The following EBLN2 variants were observed in gnomAD, a reference collection of about 807,000 sequenced individuals.
EBLN2 encodes endogenous Bornavirus-like nucleoprotein 2.
For missense variants in EBLN2, 397 were observed against 324.2 expected, an observed-to-expected ratio of 1.22 and a Z score of -1.72; for synonymous variants, 131 against 113.6, an observed-to-expected ratio of 1.15 and a Z score of -0.97.
rs762227726 is a variant in EBLN2, at chr3:73,062,302, A to G, written c.221A>G (p.Gln74Arg). Reference sequence around the variant, plus strand: ...GACAGGAGTGGGCTCCCTGACCTTCAAGGAAGATTTGAGCTATCTGGGAAA... The same window carrying G: ...GACAGGAGTGGGCTCCCTGACCTTCGAGGAAGATTTGAGCTATCTGGGAAA... ...AMDRSGLPDL[Q>R]GRFELSGKNR... The change falls in exon 1 of 1, where the codon CAA (glutamine) becomes CGA (arginine). Residue 74 changes from glutamine (Q) to arginine (R), a missense_variant. Physicochemically the swap from Gln to Arg is conservative, Grantham distance 43 (BLOSUM62 1). Coordinates refer to ENST00000533473, the MANE Select transcript of EBLN2 (RefSeq NM_018029.4). The G allele has an allele frequency of 1.1e-5, 17 of 1,607,650 alleles. No homozygotes were observed. In the East Asian group the frequency reaches 3.4e-4, roughly 32 times the overall value.
Position 73,062,370 on chromosome 3 carries a change from A to G in EBLN2, c.289A>G (p.Ile97Val), listed in dbSNP as rs1157782841. 3 of 1,607,050 alleles carry G rather than the reference A, an allele frequency of 1.9e-6. No individual in the cohort carries two copies. The highest frequency in any genetic ancestry group is 2.5e-6 in the Non-Finnish European group (3 of 1,178,140). ...PLDALEPQPS[I>V]GDIKDIKKAA... ...GGATGCATTGGAACCCCAACCCAGC[A>G]TTGGGGATATTAAGGACATTAAAAA... The change falls in exon 1 of 1, where the codon ATT (isoleucine) becomes GTT (valine). Residue 97 changes from isoleucine to valine, a missense_variant. Coordinates refer to ENST00000533473, the MANE Select transcript of EBLN2 (RefSeq NM_018029.4).
Position 73,062,067 on chromosome 3 carries a change from T to C in EBLN2, c.-15T>C. 6.6e-7 allele frequency: 1 copy of C among 1,510,396 alleles called. No individual in the cohort carries two copies. The highest frequency in any genetic ancestry group is 2.5e-5 in the East Asian group (1 of 40,698). 93.6% of individuals were successfully genotyped at this position (1,510,396 alleles called of 1,614,324 possible). A position where few individuals can be genotyped will look rare whatever the true frequency, so the allele number is the denominator to read the frequency against. The stretch of plus-strand genomic sequence containing the variant: ...AATGGTAAAGAAGTGCAGAGTCAAG[T>C]CATAGCGACTAATAATGGGTTATTT... On this transcript the variant is annotated 5_prime_UTR_variant, in exon 1 of 1. Transcript: ENST00000533473.
rs1479045678 is a variant in EBLN2, at chr3:73,062,003, A to T, written c.-79A>T. Reference sequence around the variant, plus strand: ...AAAAATTTCTTTTATGAAGCAAAATATGTTTTGTTTTGCTCATGAACGTGA... The same window carrying T: ...AAAAATTTCTTTTATGAAGCAAAATTTGTTTTGTTTTGCTCATGAACGTGA... On this transcript the variant is annotated 5_prime_UTR_variant, in exon 1 of 1. The change abolishes an upstream ATG in the 5' untranslated region. Transcript: ENST00000533473. The T allele has an allele frequency of 3.9e-6, 4 of 1,032,630 alleles. No homozygotes were observed. The highest frequency in any genetic ancestry group is 5.5e-6 in the Non-Finnish European group (4 of 723,686). The allele number at this position is 1,032,630 out of a possible 1,614,324, so 64.0% of individuals were successfully genotyped here.
In EBLN2 at chr3:73,062,454, A is replaced by C; in HGVS notation, c.373A>C (p.Ser125Arg). Reference protein sequence around the residue: ...HKSHFHPVTPSLVFLCFIFDG... With the variant: ...HKSHFHPVTPRLVFLCFIFDG... Reference sequence around the variant, plus strand: ...ATCTCATTTCCACCCTGTGACCCCAAGTTTAGTATTCTTGTGTTTCATATT... The same window carrying C: ...ATCTCATTTCCACCCTGTGACCCCACGTTTAGTATTCTTGTGTTTCATATT... The change falls in exon 1 of 1, where the codon AGT (serine) becomes CGT (arginine). Residue 125 changes from serine (S) to arginine (R), a missense_variant. Physicochemically the swap from Ser to Arg is moderately radical, Grantham distance 110 (BLOSUM62 -1). Coordinates refer to ENST00000533473, the MANE Select transcript of EBLN2 (RefSeq NM_018029.4). 2 of 1,612,276 alleles carry C rather than the reference A, an allele frequency of 1.2e-6. No individual in the cohort carries two copies. The highest frequency in any genetic ancestry group is 2.7e-5 in the African/African-American group (2 of 74,988).
Position 73,063,207 on chromosome 3 carries a change from C to T in EBLN2, c.*307C>T. 2.6e-6 allele frequency: 1 copy of T among 378,012 alleles called. No homozygotes were observed. Among genetic ancestry groups the T allele is most frequent in the Non-Finnish European group, 5.0e-6 (1 of 200,296 alleles). 23.4% of individuals were successfully genotyped at this position (378,012 alleles called of 1,614,324 possible). ...CTCCTGATGTTATACCAGGATCAACCATCACACTCCCTTTGCTTCAAATGG... is the reference window on the plus strand; with the variant it reads ...CTCCTGATGTTATACCAGGATCAACTATCACACTCCCTTTGCTTCAAATGG... On this transcript the variant is annotated 3_prime_UTR_variant, in exon 1 of 1. Transcript: ENST00000533473.
the EBLN2 span, chr3:73,062,396 AGC>A: frequency 1.2e-6 from 2 of 1,607,492 alleles, no homozygotes; most frequent in Non-Finnish European, 1.7e-6. Flanking sequence ...ACATTAAAAA[AGC>A]AGCCAAGTCT....
rs764649154 is a variant in EBLN2, at chr3:73,062,944, T to G, written c.*44T>G. ...TGACAACCTATTAATGCTGTGAGAATGTTTCTAGATCAGTGCATGGATGGC... is the reference window on the plus strand; with the variant it reads ...TGACAACCTATTAATGCTGTGAGAAGGTTTCTAGATCAGTGCATGGATGGC... On this transcript the variant is annotated 3_prime_UTR_variant, in exon 1 of 1. Coordinates refer to ENST00000533473, the MANE Select transcript of EBLN2 (RefSeq NM_018029.4). 1 of 1,547,782 alleles carries G rather than the reference T, an allele frequency of 6.5e-7. No homozygotes were observed. The highest frequency in any genetic ancestry group is 1.4e-5 in the African/African-American group (1 of 72,516).
chr3:73,063,165 A>T lies in EBLN2; in HGVS notation c.*265A>T. Reference sequence around the variant, plus strand: ...ACTGGGCCAAGATGAGCAACCCCACATTTTTGGGATTTAAAGCTCCTGATG... The same window carrying T: ...ACTGGGCCAAGATGAGCAACCCCACTTTTTTGGGATTTAAAGCTCCTGATG... On this transcript the variant is annotated 3_prime_UTR_variant, in exon 1 of 1. Coordinates refer to ENST00000533473, the MANE Select transcript of EBLN2 (RefSeq NM_018029.4). The T allele has an allele frequency of 2.2e-6, 1 of 459,748 alleles. No individual in the cohort carries two copies. The highest frequency in any genetic ancestry group is 2.6e-5 in the South Asian group (1 of 37,896). 28.5% of individuals were successfully genotyped at this position (459,748 alleles called of 1,614,324 possible).
chr3:73,062,819 A>AC, the EBLN2 span: 8 of 1,613,924 alleles, frequency 5.0e-6, no homozygotes, highest in Non-Finnish European at 5.9e-6. Context: ...TCAGCTCAAG[A>AC]CCATGGGTTG....
In EBLN2 at chr3:73,061,869, A is replaced by G. The variant is rs1314514758; in HGVS notation, c.-213A>G. ...TGAACCACCACACCCAGCCCAGTCA[A>G]TTTGTTTTTAGAATGTTCCCAAGAA... is the stretch of plus-strand genomic sequence containing the variant. On this transcript the variant is annotated 5_prime_UTR_variant, in exon 1 of 1. Transcript: ENST00000533473. 4.2e-6 allele frequency: 2 copies of G among 479,798 alleles called. No individual in the cohort carries two copies. The highest frequency in any genetic ancestry group is 4.3e-5 in the East Asian group (1 of 23,528). 29.7% of individuals were successfully genotyped at this position (479,798 alleles called of 1,614,324 possible).
In EBLN2 at chr3:73,062,422, C is replaced by T; in HGVS notation, c.341C>T (p.Ala114Val). The change falls in exon 1 of 1, where the codon GCA becomes GTA. Residue 114 changes from alanine (A) to valine (V), a missense_variant. By Grantham distance (64) the Ala-to-Val change is moderately conservative. Coordinates refer to ENST00000533473, the MANE Select transcript of EBLN2 (RefSeq NM_018029.4). ...KKAAKSMLDP[A>V]HKSHFHPVTP... ...GCAGCCAAGTCTATGCTAGACCCAG[C>T]ACATAAATCTCATTTCCACCCTGTG... is the stretch of plus-strand genomic sequence containing the variant. The T allele has an allele frequency of 6.2e-7, 1 of 1,611,276 alleles. No homozygotes were observed. The highest frequency in any genetic ancestry group is 1.7e-5 in the Admixed American group (1 of 59,224).
At position 73,062,205 on chromosome 3, in the gene EBLN2, C is replaced by T. The variant is rs776008317; in HGVS notation, c.124C>T (p.Arg42Trp). ...TCTTAACAAAATTAAAGAATTAAGT[C>T]GGAACCAATTTTCCACAATGTCTCA... ...MILNKIKELS[R>W]NQFSTMSHLR... The change falls in exon 1 of 1, where the codon CGG (arginine) becomes TGG (tryptophan). Residue 42 changes from arginine (R) to tryptophan (W), a missense_variant. Transcript: ENST00000533473. 17 of 1,582,456 alleles carry T rather than the reference C, an allele frequency of 1.1e-5. No individual in the cohort carries two copies. Among genetic ancestry groups the T allele is most frequent in the South Asian group, 4.7e-5 (4 of 85,402 alleles).
Position 73,062,352 on chromosome 3 carries a change from T to C in EBLN2, c.271T>C (p.Leu91=), listed in dbSNP as rs779718379. ...AAACAGACAGTATCCACTGGATGCA[T>C]TGGAACCCCAACCCAGCATTGGGGA... is the stretch of plus-strand genomic sequence containing the variant. ...GKNRQYPLDA[L]EPQPSIGDIK... is the part of the protein sequence containing the mutation. Residue 91 remains leucine (L), a synonymous_variant, in exon 1 of 1, where the codon TTG becomes CTG. Coordinates refer to ENST00000533473, the MANE Select transcript of EBLN2 (RefSeq NM_018029.4). The C allele has an allele frequency of 6.2e-7, 1 of 1,607,380 alleles. No homozygotes were observed. Among genetic ancestry groups the C allele is most frequent in the Non-Finnish European group, 8.5e-7 (1 of 1,178,146 alleles).
At position 73,062,313 on chromosome 3, in the gene EBLN2, G is replaced by A; in HGVS notation, c.232G>A (p.Glu78Lys). ...GCTCCCTGACCTTCAAGGAAGATTT[G>A]AGCTATCTGGGAAAAACAGACAGTA... ...SGLPDLQGRF[E>K]LSGKNRQYPL... The change falls in exon 1 of 1, where the codon GAG becomes AAG. Residue 78 changes from glutamate to lysine, a missense_variant. Glu to Lys is a moderately conservative substitution (Grantham distance 56). Transcript: ENST00000533473. 1 of 1,606,174 alleles carries A rather than the reference G, an allele frequency of 6.2e-7. No homozygotes were observed. Among genetic ancestry groups the A allele is most frequent in the Non-Finnish European group, 8.5e-7 (1 of 1,177,688 alleles).
chr3:73,062,906 A>G lies in EBLN2; in HGVS notation c.*6A>G, dbSNP rs760221099. 6 of 1,607,738 alleles carry G rather than the reference A, an allele frequency of 3.7e-6. No homozygotes were observed. Among genetic ancestry groups the G allele is most frequent in the Non-Finnish European group, 5.1e-6 (6 of 1,176,100 alleles). The stretch of plus-strand genomic sequence containing the variant: ...AGCTACGCAAGTCAAGTTAGTTGCC[A>G]AGAAAGCACAGATGACAACCTATTA... On this transcript the variant is annotated 3_prime_UTR_variant, in exon 1 of 1. Coordinates refer to ENST00000533473, the MANE Select transcript of EBLN2 (RefSeq NM_018029.4).
rs757182919 is a variant in EBLN2, at chr3:73,062,928, A to G, written c.*28A>G. On this transcript the variant is annotated 3_prime_UTR_variant, in exon 1 of 1. Coordinates refer to ENST00000533473, the MANE Select transcript of EBLN2 (RefSeq NM_018029.4). ...GCCAAGAAAGCACAGATGACAACCT[A>G]TTAATGCTGTGAGAATGTTTCTAGA... 67 of 1,581,222 alleles carry G rather than the reference A, an allele frequency of 4.2e-5. No homozygotes were observed. In the African/African-American group the frequency reaches 5.3e-4, roughly 13 times the overall value.
chr3:73,062,957 G>C lies in EBLN2; in HGVS notation c.*57G>C. On this transcript the variant is annotated 3_prime_UTR_variant, in exon 1 of 1. Coordinates refer to ENST00000533473, the MANE Select transcript of EBLN2 (RefSeq NM_018029.4). The stretch of plus-strand genomic sequence containing the variant: ...ATGCTGTGAGAATGTTTCTAGATCA[G>C]TGCATGGATGGCTCCATTGCTCTAC... 7.0e-7 allele frequency: 1 copy of C among 1,438,204 alleles called. No individual in the cohort carries two copies. Among genetic ancestry groups the C allele is most frequent in the Non-Finnish European group, 9.6e-7 (1 of 1,038,906 alleles). 89.1% of individuals were successfully genotyped at this position (1,438,204 alleles called of 1,614,324 possible).
chr3:73,062,573 T>G, the EBLN2 span: 16,636 of 1,614,026 alleles, frequency 0.01, 108 homozygotes, highest in Non-Finnish European at 0.012. Context: ...GTACTCCTTA[T>G]GCTAGCAGAT....
rs757842781 is a variant in EBLN2 at position 73,062,625 on chromosome 3, G to A, written c.544G>A (p.Val182Ile). Residue 182 changes from valine to isoleucine, a missense_variant, in exon 1 of 1, where the codon GTT (valine) becomes ATT (isoleucine). Val to Ile is a conservative substitution (Grantham distance 29). Transcript: ENST00000533473. ...CTTTATTGCCCTTGAGAAGTCATCA[G>A]TTCTCCGCCACTGCTGTGACCTTTT... is the stretch of plus-strand genomic sequence containing the variant. ...PNFIALEKSSVLRHCCDLLIG... is the reference protein window; with the variant it reads ...PNFIALEKSSILRHCCDLLIG... 5 of 1,613,874 alleles carry A rather than the reference G, an allele frequency of 3.1e-6. No individual in the cohort carries two copies. In the East Asian group the frequency reaches 8.9e-5, roughly 29 times the overall value.
Sources: gnomAD v4.1 joint callset for allele counts on GRCh38, gnomAD v4.1.1 for gene constraint, MANE v1.5 for transcripts, NCBI Gene and HGNC (gene_info 2026-07-23, HGNC 2026-07-21) for gene names.